MDGA2: variants seen among roughly 807,000 people sequenced by gnomAD.
MDGA2 encodes MAM domain containing glycosylphosphatidylinositol anchor 2.
Under a neutral mutation model 117.8 loss-of-function variants are expected in MDGA2, and 40 were observed. That is an observed-to-expected ratio of 0.34 (90% CI 0.26 to 0.44). MDGA2 has a LOEUF of 0.44. Among genes scored for constraint, MDGA2 ranks in the 20% least tolerant of loss-of-function variants. The probability of loss-of-function intolerance (pLI) is 1.00; values close to 1 mark genes in which losing one functional copy is unlikely to be tolerated. For missense variants in MDGA2, 1,123 were observed against 1,250.6 expected, an observed-to-expected ratio of 0.90 and a Z score of 1.54; for synonymous variants, 452 against 439.0, an observed-to-expected ratio of 1.03 and a Z score of -0.37.
chr14:47,585,794 A>AT (rs1416159770), intron 1 of MDGA2, among the ~76,000 whole-genome samples: 1 of 151,636 alleles, frequency 6.6e-6, no homozygotes. Flanking sequence ...TCCTATGTAC[A>AT]TTTTTTCCAA....
intron 1 of MDGA2, among the ~76,000 whole-genome samples, chr14:47,403,980 CA>C (rs1370577879): frequency 6.6e-6 from 1 of 152,082 alleles, no homozygotes; most frequent in Non-Finnish European, 1.5e-5. Flanking sequence ...TACAGCTGCA[CA>C]ATTGTCCACT....
intron 6 of MDGA2, among the ~76,000 whole-genome samples, chr14:47,090,560 T>C (rs963728056): frequency 3.3e-5 from 5 of 152,206 alleles, no homozygotes; most frequent in Non-Finnish European, 5.9e-5. Flanking sequence ...TTATGAGGTA[T>C]ACTGCATACT....
intron 1 of MDGA2, among the ~76,000 whole-genome samples, chr14:47,443,512 T>C (rs1029917678): frequency 4.6e-5 from 7 of 152,314 alleles, no homozygotes; most frequent in African/African-American, 1.7e-4. Flanking sequence ...TAGACTTTTC[T>C]ATATATGTAT....
At chr14:47,200,516 C>A in intron 3 of MDGA2, 2 of 605,010 alleles carry the variant, frequency 3.3e-6, no homozygotes, top group South Asian at 3.2e-5. Context: ...TTTTTCTTTT[C>A]TTTTTTCTTT....
intron 5 of MDGA2, among the ~76,000 whole-genome samples, chr14:47,117,706 G>A (rs1277520890): frequency 1.3e-5 from 2 of 152,046 alleles, no homozygotes; most frequent in Admixed American, 1.3e-4. Context: ...CAAATTCATA[G>A]AATCATAGAA....
intron 1 of MDGA2, among the ~76,000 whole-genome samples, chr14:47,599,313 GT>G (rs559603496): frequency 0.063 from 8,983 of 142,042 alleles, 819 homozygotes; most frequent in African/African-American, 0.21. Flanking sequence ...GACAAATGCT[GT>G]TTTTTTTTTT....
chr14:47,069,478 T>C (rs1890201568), intron 6 of MDGA2, among the ~76,000 whole-genome samples: 1 of 152,216 alleles, frequency 6.6e-6, no homozygotes, highest in Admixed American at 6.5e-5. Context: ...TTGAGTTCTA[T>C]CTATCACTTG....
At chr14:47,121,311 A>G (rs1300737277) in intron 5 of MDGA2, among the ~76,000 whole-genome samples, 1 of 152,252 alleles carries the variant, frequency 6.6e-6, no homozygotes, top group South Asian at 2.1e-4. Context: ...TAAATATAGA[A>G]TATTCCAAAA....
intron 1 of MDGA2, among the ~76,000 whole-genome samples, chr14:47,523,039 G>A (rs914090600): frequency 6.6e-6 from 1 of 152,114 alleles, no homozygotes; most frequent in Admixed American, 6.6e-5. Context: ...CCTTTGCAAA[G>A]CTTAATTTCT....
chr14:47,009,590 A>G (rs1483801037), intron 8 of MDGA2, among the ~76,000 whole-genome samples: 4 of 152,086 alleles, frequency 2.6e-5, no homozygotes, highest in African/African-American at 9.7e-5. Flanking sequence ...CTAGGATGTG[A>G]GAATTACTTT....
At position 47,564,179 on chromosome 14, in the gene MDGA2, T is replaced by G. The variant is rs1895872902; in HGVS notation, c.280+110338A>C. ...GGCTGCCCCTTCTCTCTAGCTGTCTTTAACATTTTTTCTTTCACTTTGACC... is the reference window on the plus strand; with the variant it reads ...GGCTGCCCCTTCTCTCTAGCTGTCTGTAACATTTTTTCTTTCACTTTGACC... On this transcript the variant is annotated intron_variant, in intron 1 of 16. Coordinates refer to ENST00000399232, the MANE Select transcript of MDGA2 (RefSeq NM_001113498.3). 2.0e-5 allele frequency among the ~76,000 whole-genome samples: 3 copies of G among 152,174 alleles called. No individual in the cohort carries two copies. The South Asian group carries it at 6.2e-4, about 32-fold the overall frequency.
intron 1 of MDGA2, among the ~76,000 whole-genome samples, chr14:47,590,741 T>C (rs770026877): frequency 2.0e-5 from 3 of 151,986 alleles, no homozygotes; most frequent in Non-Finnish European, 4.4e-5. Flanking sequence ...TATGCCTGTA[T>C]TGAAATATCT....
intron 3 of MDGA2, among the ~76,000 whole-genome samples, chr14:47,145,306 TTGCAGTG>T (rs1449143165): frequency 1.3e-5 from 2 of 152,128 alleles, no homozygotes; most frequent in Non-Finnish European, 2.9e-5. Context: ...ATCTCTACCA[TTGCAGTG>T]TGAAAGCAGC....
intron 1 of MDGA2, among the ~76,000 whole-genome samples, chr14:47,646,559 CCTCT>C (rs994862352): frequency 7.2e-5 from 11 of 152,186 alleles, no homozygotes; most frequent in African/African-American, 2.6e-4. Context: ...TGTTATTTAT[CCTCT>C]CTAAGCTTGG....
intron 1 of MDGA2, among the ~76,000 whole-genome samples, chr14:47,461,457 G>A (rs1265723128): frequency 2.0e-5 from 3 of 152,028 alleles, no homozygotes; most frequent in African/African-American, 7.2e-5. Context: ...TAACAACGAA[G>A]AACATGTCTT....
intron 1 of MDGA2, among the ~76,000 whole-genome samples, chr14:47,310,214 C>G (rs1047069881): frequency 2.6e-5 from 4 of 152,162 alleles, no homozygotes; most frequent in East Asian, 1.9e-4. Context: ...CTTCAAAAAC[C>G]CTTGCATGTT....
At chr14:47,386,859 G>A (rs1891772702) in intron 1 of MDGA2, among the ~76,000 whole-genome samples, 1 of 152,186 alleles carries the variant, frequency 6.6e-6, no homozygotes, top group Admixed American at 6.5e-5. Flanking sequence ...TTTACAAGTT[G>A]TGTCATCTTA....
intron 1 of MDGA2, among the ~76,000 whole-genome samples, chr14:47,516,714 C>A (rs541205157): frequency 6.6e-6 from 1 of 152,262 alleles, no homozygotes; most frequent in East Asian, 1.9e-4. Flanking sequence ...TGAAGCACTG[C>A]AGATAAGCAA....
At chr14:47,232,899 A>G (rs1451913825) in intron 2 of MDGA2, among the ~76,000 whole-genome samples, 1 of 152,174 alleles carries the variant, frequency 6.6e-6, no homozygotes, top group Non-Finnish European at 1.5e-5. Flanking sequence ...TAAAGAGAGA[A>G]GTGGCACCAT....
Sources: gnomAD v4.1 joint callset for allele counts (sites outside exome capture counted in the v4.1 genomes callset) on GRCh38, gnomAD v4.1.1 for gene constraint, MANE v1.5 for transcripts, NCBI Gene and HGNC (gene_info 2026-07-23, HGNC 2026-07-21) for gene names.